The following ZNF599 variants were observed in gnomAD, a reference collection of about 807,000 sequenced individuals.
The protein encoded by ZNF599 is zinc finger protein 599.
In ZNF599, 10 loss-of-function variants were observed where a neutral mutation model predicts 11.7. The observed-to-expected ratio is 0.86, with a 90% confidence interval of 0.53 to 1.45. The LOEUF (loss-of-function observed/expected upper bound fraction) is 1.45. Ranked by LOEUF, ZNF599 falls within the 40% of genes most tolerant of loss-of-function variation. The pLI, the probability that ZNF599 is intolerant of heterozygous loss-of-function variation, is 0.00. For synonymous variants in ZNF599, 232 were observed against 253.2 expected, an observed-to-expected ratio of 0.92 and a Z score of 0.79; for missense variants, 688 against 713.6, an observed-to-expected ratio of 0.96 and a Z score of 0.41.
the ZNF599 span, among the ~76,000 whole-genome samples, chr19:34,788,214 C>T: frequency 6.6e-6 from 1 of 152,092 alleles, no homozygotes; most frequent in African/African-American, 2.4e-5. Context: ...AACCAATGTC[C>T]CATGGATCCC....
At chr19:34,782,039 AG>A in the ZNF599 span, among the ~76,000 whole-genome samples, 19 of 152,252 alleles carry the variant, frequency 1.2e-4, no homozygotes, top group African/African-American at 4.1e-4. Flanking sequence ...AATGGTGAAC[AG>A]GGACAGGTTA....
At chr19:34,763,102 A>G (rs1181937263) in intron 3 of ZNF599, 1 of 152,230 alleles carries the variant, frequency 6.6e-6, no homozygotes, top group Non-Finnish European at 1.5e-5. Flanking sequence ...TAAAGTGGCC[A>G]TGTATGCAAG....
upstream of ZNF599, among the ~76,000 whole-genome samples, chr19:34,774,704 T>C (rs1399446260): frequency 6.6e-6 from 1 of 152,224 alleles, no homozygotes; most frequent in Non-Finnish European, 1.5e-5. Context: ...ATTTCCATTC[T>C]ATTATTTATC....
At chr19:34,807,421 G>A in the ZNF599 span, among the ~76,000 whole-genome samples, 2 of 152,186 alleles carry the variant, frequency 1.3e-5, no homozygotes, top group Non-Finnish European at 1.5e-5. Context: ...GCACTGACAC[G>A]AGATCACAAT....
chr19:34,778,982 C>T, the ZNF599 span, among the ~76,000 whole-genome samples: 1 of 152,192 alleles, frequency 6.6e-6, no homozygotes, highest in African/African-American at 2.4e-5. Flanking sequence ...TACTTGGCAC[C>T]TCCTATTGGA....
At chr19:34,798,725 T>C in the ZNF599 span, among the ~76,000 whole-genome samples, 2 of 152,236 alleles carry the variant, frequency 1.3e-5, no homozygotes, top group African/African-American at 2.4e-5. Context: ...ACATTTGTAA[T>C]ACAGATAGAT....
the ZNF599 span, among the ~76,000 whole-genome samples, chr19:34,792,985 G>A: frequency 6.6e-6 from 1 of 152,162 alleles, no homozygotes; most frequent in East Asian, 1.9e-4. Context: ...TCAAGAAGAA[G>A]CCAATCCAAT....
chr19:34,768,578 T>G (rs1284618700), intron 2 of ZNF599, among the ~76,000 whole-genome samples: 1 of 152,246 alleles, frequency 6.6e-6, no homozygotes, highest in African/African-American at 2.4e-5. Context: ...AACAAACACA[T>G]GCAGAACACT....
At chr19:34,761,725 A>G (rs1230725228) in intron 3 of ZNF599, among the ~76,000 whole-genome samples, 1 of 152,224 alleles carries the variant, frequency 6.6e-6, no homozygotes, top group Non-Finnish European at 1.5e-5. Context: ...ATTATTTGCC[A>G]CATGGAGAAA....
intron 3 of ZNF599, 24 bp downstream of exon 3, chr19:34,767,292 G>A (rs377243385): frequency 1.4e-5 from 23 of 1,596,504 alleles, no homozygotes; most frequent in East Asian, 2.2e-5. Context: ...CCTGATACCC[G>A]CTGCCAGACT....
In ZNF599 at chr19:34,759,070, C is replaced by T. The variant is rs61730325; in HGVS notation, c.1731G>A (p.Ser577=). The change falls in exon 4 of 4, where the codon TCG becomes TCA. Residue 577 remains serine (S), a synonymous_variant. Transcript: ENST00000329285. ...TATGAATCTTTCGATGGTGAGTGAA[C>T]GATGAACTGTGGCTGAAGGTCTTTC... ...ECGKTFSHSS[S]FTHHRKIHTR... is the part of the protein sequence containing the mutation. 1.6e-3 allele frequency: 2,645 copies of T among 1,613,344 alleles called. 41 individuals carry two copies. In the African/African-American group the frequency reaches 0.029, roughly 18 times the overall value.
chr19:34,772,406 C>T (rs2069188865), intron 1 of ZNF599: 8 of 1,015,432 alleles, frequency 7.9e-6, no homozygotes, highest in Non-Finnish European at 9.4e-6. Flanking sequence ...GAATGATCCC[C>T]TAAAACAACA....
chr19:34,777,439 A>C (rs12984297), upstream of ZNF599, among the ~76,000 whole-genome samples: 1 of 94,924 alleles, frequency 1.1e-5, no homozygotes, highest in Non-Finnish European at 1.9e-5. Flanking sequence ...ATAATATATG[A>C]TATATATTAA....
At chr19:34,788,700 T>C in the ZNF599 span, 2 of 152,206 alleles carry the variant, frequency 1.3e-5, no homozygotes, top group East Asian at 3.8e-4. Context: ...ATACTCATTA[T>C]CTGTAGAAAA....
chr19:34,796,687 G>C, the ZNF599 span, among the ~76,000 whole-genome samples: 1 of 152,160 alleles, frequency 6.6e-6, no homozygotes, highest in Middle Eastern at 3.2e-3. Flanking sequence ...AAAGGGCAAT[G>C]CTTTATTTCC....
the ZNF599 span, chr19:34,791,868 G>A: frequency 6.6e-6 from 1 of 152,174 alleles, no homozygotes; most frequent in African/African-American, 2.4e-5. Flanking sequence ...CAATAATCTT[G>A]CTCATTTTCC....
intron 3 of ZNF599, among the ~76,000 whole-genome samples, chr19:34,765,925 G>A (rs2069139347): frequency 6.6e-6 from 1 of 152,176 alleles, no homozygotes; most frequent in South Asian, 2.1e-4. Flanking sequence ...TAGTGAAGGT[G>A]AGGATTCAGG....
chr19:34,803,880 T>A, the ZNF599 span, among the ~76,000 whole-genome samples: 2,330 of 152,238 alleles, frequency 0.015, 51 homozygotes, highest in African/African-American at 0.054. Context: ...TTTAGGCTAT[T>A]CCTCTCTCAT....
chr19:34,794,277 A>G, the ZNF599 span, among the ~76,000 whole-genome samples: 2 of 152,184 alleles, frequency 1.3e-5, no homozygotes, highest in African/African-American at 4.8e-5. Flanking sequence ...GGACACAGAG[A>G]CAAACCATAT....
Sources: allele counts gnomAD v4.1 joint callset (sites outside exome capture counted in the v4.1 genomes callset), GRCh38; gene constraint gnomAD v4.1.1; transcripts MANE v1.5; gene names NCBI Gene and HGNC (gene_info 2026-07-23, HGNC 2026-07-21).